C12orf54: variants seen among roughly 807,000 people sequenced by gnomAD.
C12orf54 encodes the protein uncharacterized protein C12orf54.
A neutral mutation model predicts 26.4 loss-of-function variants in C12orf54; 24 were observed. That is an observed-to-expected ratio of 0.91 (90% confidence interval 0.66 to 1.28). The LOEUF is 1.28. Ranked by LOEUF, C12orf54 falls within the 50% of genes most tolerant of loss-of-function variation. The pLI is 0.00. For missense variants in C12orf54, 154 were observed against 150.9 expected (o/e 1.02, Z -0.11); for synonymous variants, 54 against 47.0 (o/e 1.15, Z -0.61).
At chr12:48,458,900 G>C in the C12orf54 span, among the ~76,000 whole-genome samples, 1 of 152,024 alleles carries the variant, frequency 6.6e-6, no homozygotes, top group Non-Finnish European at 1.5e-5. Flanking sequence ...CATTTTAATA[G>C]AACTTATCAA....
chr12:48,494,879 C>T lies in C12orf54; in HGVS notation c.324C>T (p.Gly108=), dbSNP rs764608315. The change falls in exon 8 of 9, where the codon GGC becomes GGT. Residue 108 remains glycine, a synonymous_variant. Transcript: ENST00000548364. ...GCTCTGGAGAGCAGCCATCAGGAGG[C>T]CGTATCCACAACCTGAAGACACAGC... ...QFSSGEQPSG[G]RIHNLKTQLF... 3 of 1,612,918 alleles carry T rather than the reference C, an allele frequency of 1.9e-6. No individual in the cohort carries two copies. Among genetic ancestry groups the T allele is most frequent in the Non-Finnish European group, 2.5e-6 (3 of 1,178,830 alleles).
the C12orf54 span, among the ~76,000 whole-genome samples, chr12:48,435,335 CT>C: frequency 6.6e-6 from 1 of 152,232 alleles, no homozygotes; most frequent in Non-Finnish European, 1.5e-5. Context: ...GGAAAACACT[CT>C]GCAGGATATT....
At chr12:48,447,310 A>G in the C12orf54 span, among the ~76,000 whole-genome samples, 1 of 151,664 alleles carries the variant, frequency 6.6e-6, no homozygotes, top group Non-Finnish European at 1.5e-5. Context: ...AAGTGGCTAT[A>G]CCTTGATCTT....
At chr12:48,489,129 G>C (rs751733402) in intron 5 of C12orf54, 173 bp downstream of exon 5, 1 of 770,292 alleles carries the variant, frequency 1.3e-6, no homozygotes. Context: ...GGCGGCTAAG[G>C]CAAGAAGATG....
the C12orf54 span, among the ~76,000 whole-genome samples, chr12:48,458,843 C>T: frequency 1.4e-4 from 21 of 152,016 alleles, no homozygotes; most frequent in African/African-American, 4.1e-4. Flanking sequence ...GACCTCTAGT[C>T]TTCATTGAAA....
chr12:48,439,198 A>T, the C12orf54 span, among the ~76,000 whole-genome samples: 1 of 152,368 alleles, frequency 6.6e-6, no homozygotes, highest in East Asian at 1.9e-4. Context: ...CCACAATGAG[A>T]TACCATCTCA....
chr12:48,467,297 T>C, the C12orf54 span, among the ~76,000 whole-genome samples: 1 of 152,172 alleles, frequency 6.6e-6, no homozygotes, highest in African/African-American at 2.4e-5. Flanking sequence ...TGAAAGCCTT[T>C]AGAAGAAACG....
At chr12:48,426,037 C>G in the C12orf54 span, among the ~76,000 whole-genome samples, 1 of 149,598 alleles carries the variant, frequency 6.7e-6, no homozygotes, top group Non-Finnish European at 1.5e-5. Flanking sequence ...TGTAGGTTGT[C>G]TGTTTACTCT....
At chr12:48,429,473 C>T in the C12orf54 span, among the ~76,000 whole-genome samples, 2 of 151,924 alleles carry the variant, frequency 1.3e-5, no homozygotes, top group Non-Finnish European at 2.9e-5. Flanking sequence ...AGCAAAGTTT[C>T]CAGATACAAG....
chr12:48,462,459 T>C, the C12orf54 span, among the ~76,000 whole-genome samples: 9 of 151,616 alleles, frequency 5.9e-5, no homozygotes, highest in Non-Finnish European at 8.9e-5. Context: ...GAGAGCAATA[T>C]CATTCATAAA....
the C12orf54 span, among the ~76,000 whole-genome samples, chr12:48,435,901 A>C: frequency 2.0e-5 from 3 of 151,986 alleles, no homozygotes. Context: ...CAAATTCACA[A>C]ATAATAATAA....
At chr12:48,443,128 C>G in the C12orf54 span, among the ~76,000 whole-genome samples, 1 of 152,198 alleles carries the variant, frequency 6.6e-6, no homozygotes. Context: ...CTGTGATCAT[C>G]TTTTCTGCAA....
At chr12:48,466,091 C>T in the C12orf54 span, among the ~76,000 whole-genome samples, 1 of 152,238 alleles carries the variant, frequency 6.6e-6, no homozygotes, top group South Asian at 2.1e-4. Context: ...TAAAGATTTT[C>T]ATCTTCCTAA....
intron 2 of C12orf54, among the ~76,000 whole-genome samples, chr12:48,483,925 G>T (rs576148678): frequency 9.8e-5 from 15 of 152,330 alleles, no homozygotes; most frequent in African/African-American, 3.6e-4. Context: ...TGGGTGCAGT[G>T]CCTCATGCCT....
the C12orf54 span, among the ~76,000 whole-genome samples, chr12:48,443,921 A>C: frequency 6.6e-6 from 1 of 152,190 alleles, no homozygotes; most frequent in Non-Finnish European, 1.5e-5. Context: ...GTTTATCCAA[A>C]CACCGCCCAG....
the C12orf54 span, among the ~76,000 whole-genome samples, chr12:48,429,921 A>C: frequency 6.6e-6 from 1 of 152,236 alleles, no homozygotes; most frequent in African/African-American, 2.4e-5. Flanking sequence ...ACTATACTAT[A>C]GGACCGTAGT....
At position 48,486,782 on chromosome 12, in the gene C12orf54, G is replaced by A. The variant is rs565084017; in HGVS notation, c.135+56G>A. 5.9e-6 allele frequency: 9 copies of A among 1,529,690 alleles called. No individual in the cohort carries two copies. The East Asian group carries it at 1.4e-4, about 23-fold the overall frequency. 94.8% of individuals were successfully genotyped at this position (1,529,690 alleles called of 1,614,324 possible). A position where few individuals can be genotyped will look rare whatever the true frequency, so the allele number is the denominator to read the frequency against. On this transcript the variant is annotated intron_variant, in intron 4 of 8. Transcript: ENST00000548364. ...TGGCATGAGGTGGGAGGTGGGGGAA[G>A]TCTTCAGGAAGGAGCACATTTCTTT...
the C12orf54 span, among the ~76,000 whole-genome samples, chr12:48,461,350 G>A: frequency 6.6e-6 from 1 of 151,930 alleles, no homozygotes; most frequent in African/African-American, 2.4e-5. Flanking sequence ...ATCAGTAAGT[G>A]AATAGAAGAT....
At chr12:48,486,106 A>T in intron 2 of C12orf54, 72 bp from the exon 3 acceptor site, 1 of 1,412,518 alleles carries the variant, frequency 7.1e-7, no homozygotes, top group Non-Finnish European at 1.0e-6. Context: ...GGAGTGATAG[A>T]ATAGAGTTAG....
Sources: gnomAD v4.1 joint callset for allele counts (sites outside exome capture counted in the v4.1 genomes callset) on GRCh38, gnomAD v4.1.1 for gene constraint, MANE v1.5 for transcripts, NCBI Gene and HGNC (gene_info 2026-07-23, HGNC 2026-07-21) for gene names.